FBXL7: variants seen among roughly 807,000 people sequenced by gnomAD.
The protein encoded by FBXL7 is F-box/LRR-repeat protein 7.
FBXL7 carries 12 observed loss-of-function variants against 38.3 expected under a neutral mutation model. That is an observed-to-expected ratio of 0.31 (90% CI 0.20 to 0.51). The LOEUF is 0.51. Ranked by LOEUF, FBXL7 falls within the 20% of genes least tolerant of loss-of-function variation. The pLI is 0.98. For synonymous variants in FBXL7, 297 were observed against 300.9 expected (o/e 0.99, Z 0.13); for missense variants, 567 against 676.4 (o/e 0.84, Z 1.79).
At chr5:15,856,140 G>A (rs1176061257) in intron 2 of FBXL7, among the ~76,000 whole-genome samples, 1 of 152,044 alleles carries the variant, frequency 6.6e-6, no homozygotes, top group African/African-American at 2.4e-5. Context: ...GAGGTGAAAG[G>A]CACTTCTTAC....
At chr5:15,543,040 A>G (rs946461562) in intron 1 of FBXL7, among the ~76,000 whole-genome samples, 1 of 152,212 alleles carries the variant, frequency 6.6e-6, no homozygotes, top group African/African-American at 2.4e-5. Flanking sequence ...ATAGATGTCC[A>G]TTTCTGAGTA....
chr5:15,929,625 G>GAAAAAAAA (rs60269538), intron 3 of FBXL7, among the ~76,000 whole-genome samples: 8 of 113,518 alleles, frequency 7.0e-5, no homozygotes, highest in Non-Finnish European at 9.6e-5. Context: ...CCCTGTCTCT[G>GAAAAAAAA]AAAAAAAAAA....
At chr5:15,745,803 C>T (rs182002167) in intron 2 of FBXL7, among the ~76,000 whole-genome samples, 1 of 152,266 alleles carries the variant, frequency 6.6e-6, no homozygotes, top group African/African-American at 2.4e-5. Context: ...CAGTAGCACT[C>T]CATCTCTGCA....
Position 15,588,543 on chromosome 5 carries a change from C to T in FBXL7, c.38-27440C>T, listed in dbSNP as rs555461614. On this transcript the variant is annotated intron_variant, in intron 1 of 3. Transcript: ENST00000504595. The stretch of plus-strand genomic sequence containing the variant: ...CTGGGGTTACAGGCTCCCACCACCA[C>T]GTCTGGCTAATTTTTGTATTTTTAG... Among the ~76,000 whole-genome samples, 381 of 152,086 alleles carry T rather than the reference C, an allele frequency of 2.5e-3. 2 individuals carry two copies. Among genetic ancestry groups the T allele is most frequent in the African/African-American group, 7.4e-3 (306 of 41,498 alleles).
intron 2 of FBXL7, among the ~76,000 whole-genome samples, chr5:15,712,876 C>A (rs1467019628): frequency 6.6e-6 from 1 of 152,120 alleles, no homozygotes; most frequent in Non-Finnish European, 1.5e-5. Context: ...ACCAACAGAG[C>A]TGTGGTCCAG....
chr5:15,723,042 A>G (rs1410464313), intron 2 of FBXL7, among the ~76,000 whole-genome samples: 1 of 152,172 alleles, frequency 6.6e-6, no homozygotes, highest in Non-Finnish European at 1.5e-5. Context: ...TAATGATAAG[A>G]TGTATGCACA....
intron 2 of FBXL7, among the ~76,000 whole-genome samples, chr5:15,683,859 A>G (rs1157301639): frequency 6.6e-6 from 1 of 152,172 alleles, no homozygotes; most frequent in African/African-American, 2.4e-5. Context: ...CACTTCTTTC[A>G]CGTTCCCCCT....
chr5:15,707,214 T>C (rs930684334), intron 2 of FBXL7, among the ~76,000 whole-genome samples: 8 of 116,066 alleles, frequency 6.9e-5, no homozygotes, highest in Admixed American at 4.6e-4. Flanking sequence ...TGAAAGCAAG[T>C]TTATTAAGAA....
At position 15,521,640 on chromosome 5, in the gene FBXL7, C is replaced by T. The variant is rs919197690; in HGVS notation, c.37+20927C>T. 2.6e-5 allele frequency among the ~76,000 whole-genome samples: 4 copies of T among 152,324 alleles called. No homozygotes were observed. The East Asian group carries it at 5.8e-4, about 22-fold the overall frequency. On this transcript the variant is annotated intron_variant, in intron 1 of 3. Transcript: ENST00000504595. The stretch of plus-strand genomic sequence containing the variant: ...TATTGTGAGAACACAGAGCCTACTC[C>T]TCTTTGGATTATATCATTTAACTTA...
intron 1 of FBXL7, among the ~76,000 whole-genome samples, chr5:15,546,736 C>T (rs1217402136): frequency 6.6e-6 from 1 of 151,952 alleles, no homozygotes; most frequent in Non-Finnish European, 1.5e-5. Context: ...GTCTCAAAAA[C>T]AAAACAAAAA....
At chr5:15,711,298 C>G (rs985097541) in intron 2 of FBXL7, among the ~76,000 whole-genome samples, 1 of 152,186 alleles carries the variant, frequency 6.6e-6, no homozygotes, top group African/African-American at 2.4e-5. Flanking sequence ...TGCAACTCTT[C>G]AAGCTCGGCC....
chr5:15,928,135 ATCT>A lies in FBXL7; in HGVS notation c.377_379del (p.Phe126del), dbSNP rs1292265256. 2 of 1,611,168 alleles carry A rather than the reference ATCT, an allele frequency of 1.2e-6. No individual in the cohort carries two copies. The highest frequency in any genetic ancestry group is 1.7e-5 in the Admixed American group (1 of 59,732). On this transcript the variant is annotated inframe_deletion, in exon 3 of 4. Coordinates refer to ENST00000504595, the MANE Select transcript of FBXL7 (RefSeq NM_012304.5). This position sits in a 1 kb window ranked among gnomAD's most constrained non-coding sequence, Gnocchi z 4.0. ...GCTCCCGGACCACTCCATGGTGCAG[ATCT>A]TCTCCTTCCTGCCCACCAACCAGCT...
At chr5:15,626,060 A>C (rs1740806523) in intron 2 of FBXL7, among the ~76,000 whole-genome samples, 1 of 152,132 alleles carries the variant, frequency 6.6e-6, no homozygotes, top group Non-Finnish European at 1.5e-5. Context: ...GATTATTATA[A>C]AGGTTTGTTT....
At chr5:15,622,756 G>A (rs1740696570) in intron 2 of FBXL7, among the ~76,000 whole-genome samples, 2 of 152,156 alleles carry the variant, frequency 1.3e-5, no homozygotes, top group African/African-American at 4.8e-5. Context: ...CCAGGCTGAG[G>A]TGCAGTTGCA....
At chr5:15,852,113 T>C (rs2126795484) in intron 2 of FBXL7, among the ~76,000 whole-genome samples, 1 of 152,314 alleles carries the variant, frequency 6.6e-6, no homozygotes, top group Admixed American at 6.5e-5. Flanking sequence ...CTTCAGTACA[T>C]GCTAGATCAT....
chr5:15,885,239 T>G (rs1238384909), intron 2 of FBXL7, among the ~76,000 whole-genome samples: 1 of 152,204 alleles, frequency 6.6e-6, no homozygotes, highest in East Asian at 1.9e-4. Context: ...TCCCTGGTTT[T>G]TCACCATGTA....
chr5:15,553,202 A>T (rs557738136), intron 1 of FBXL7, among the ~76,000 whole-genome samples: 1 of 152,018 alleles, frequency 6.6e-6, no homozygotes, highest in Non-Finnish European at 1.5e-5. Flanking sequence ...TTCATTGCCT[A>T]TCGTGGTTTC....
At chr5:15,732,166 C>G (rs1735605747) in intron 2 of FBXL7, among the ~76,000 whole-genome samples, 1 of 152,172 alleles carries the variant, frequency 6.6e-6, no homozygotes, top group Admixed American at 6.5e-5. Context: ...CCAAATAGCT[C>G]TTATGCGAAT....
intron 2 of FBXL7, among the ~76,000 whole-genome samples, chr5:15,779,635 C>G (rs1736942548): frequency 6.6e-6 from 1 of 151,958 alleles, no homozygotes; most frequent in African/African-American, 2.4e-5. Context: ...TCAGCCGTGG[C>G]CCATTAAAAA....
Sources: gnomAD v4.1 joint callset for allele counts (sites outside exome capture counted in the v4.1 genomes callset) on GRCh38, gnomAD v4.1.1 for gene constraint, Gnocchi (gnomAD v3.1) non-coding constraint, MANE v1.5 for transcripts, NCBI Gene and HGNC (gene_info 2026-07-23, HGNC 2026-07-21) for gene names.